The following CEMIP2 variants were observed in gnomAD, a reference collection of about 807,000 sequenced individuals.
The protein encoded by CEMIP2 is cell surface hyaluronidase CEMIP2.
Under a neutral mutation model 146.9 loss-of-function variants are expected in CEMIP2, and 79 were observed. That is an observed-to-expected ratio of 0.54 (90% CI 0.45 to 0.65). The LOEUF (loss-of-function observed/expected upper bound fraction) is 0.65, where lower values mean the gene tolerates loss of function less well. CEMIP2 is among the 30% of genes least tolerant of loss of function. CEMIP2 has a pLI of 0.00. For missense variants in CEMIP2, 1,596 were observed against 1,696.2 expected (o/e 0.94, Z 1.04); for synonymous variants, 601 against 606.3 (o/e 0.99, Z 0.13).
At position 71,717,944 on chromosome 9, in the gene CEMIP2, C is replaced by G. The variant is rs1192511897; in HGVS notation, c.2399+4G>C. 1 of 1,601,096 alleles carries G rather than the reference C, an allele frequency of 6.2e-7. No individual in the cohort carries two copies. The highest frequency in any genetic ancestry group is 2.2e-5 in the East Asian group (1 of 44,570). ...CATATAATAACTTGGTAGAGAATAC[C>G]CACGCTGAATTTTGAACGATAATAT... On this transcript the variant is annotated splice_donor_region_variant and intron_variant, in intron 13 of 23. Coordinates refer to ENST00000377044, the MANE Select transcript of CEMIP2 (RefSeq NM_013390.3).
chr9:71,748,932 C>A (rs1424160494), intron 2 of CEMIP2, among the ~76,000 whole-genome samples: 2 of 152,128 alleles, frequency 1.3e-5, no homozygotes, highest in African/African-American at 4.8e-5. Context: ...CTTAAGGAAG[C>A]ATTTAACTTG....
chr9:71,758,037 G>C (rs952928471), intron 1 of CEMIP2, among the ~76,000 whole-genome samples: 8 of 152,076 alleles, frequency 5.3e-5, no homozygotes, highest in Non-Finnish European at 8.8e-5. Flanking sequence ...TCTATACGTA[G>C]TTTAGCAGAA....
At chr9:71,728,283 A>ATATACACGTATATATATATATATATGTG (rs1554684733) in intron 10 of CEMIP2, among the ~76,000 whole-genome samples, 4 of 25,604 alleles carry the variant, frequency 1.6e-4, no homozygotes, top group African/African-American at 4.5e-4. Context: ...ATATATATGT[A>ATATACACGTATATATATATATATATGTG]TATATATATA....
chr9:71,728,219 C>A (rs1394257964), intron 10 of CEMIP2, among the ~76,000 whole-genome samples: 20 of 32,860 alleles, frequency 6.1e-4, no homozygotes, highest in South Asian at 2.3e-3. Context: ...CTCTCTCTCT[C>A]TCTCTCTCTC....
At position 71,740,054 on chromosome 9, in the gene CEMIP2, C is replaced by G; in HGVS notation, c.1204+9G>C. The G allele has an allele frequency of 6.2e-7, 1 of 1,612,208 alleles. No homozygotes were observed. Among genetic ancestry groups the G allele is most frequent in the Non-Finnish European group, 8.5e-7 (1 of 1,179,178 alleles). On this transcript the variant is annotated intron_variant, in intron 5 of 23. Coordinates refer to ENST00000377044, the MANE Select transcript of CEMIP2 (RefSeq NM_013390.3). Reference sequence around the variant, plus strand: ...GTGTCTTACAAGAGTATAAACTCTACTTGCCTACCTTCAATCCATTCACTA... The same window carrying G: ...GTGTCTTACAAGAGTATAAACTCTAGTTGCCTACCTTCAATCCATTCACTA...
rs1822181549 is a variant in CEMIP2 at position 71,690,116 on chromosome 9, T to C, written c.3827A>G (p.Tyr1276Cys). 6.2e-7 allele frequency: 1 copy of C among 1,614,026 alleles called. No homozygotes were observed. Among genetic ancestry groups the C allele is most frequent in the South Asian group, 1.1e-5 (1 of 91,086 alleles). The change falls in exon 22 of 24, where the codon TAT becomes TGT. Residue 1276 changes from tyrosine (Y) to cysteine (C), a missense_variant. Transcript: ENST00000377044. ...CCTTGGAGGGATGCCTGTTTTTAAA[T>C]ACTCTTCAATGCGACTGACATCAGC... ...PLADVSRIEE[Y>C]LKTGIPPRSI...
Position 71,684,611 on chromosome 9 carries a change from G to C in CEMIP2, c.*586C>G, listed in dbSNP as rs116942325. 7.6e-3 allele frequency: 1,167 copies of C among 152,672 alleles called. 12 individuals carry two copies. Among genetic ancestry groups the C allele is most frequent in the Non-Finnish European group, 0.01 (701 of 68,018 alleles). The allele number at this position is 152,672 out of a possible 1,614,324, so 9.5% of individuals were successfully genotyped here. ...CTGTTTGAAAGTTTAACCCTTACAA[G>C]TAATTGATATATAAGTGAATAAAAA... On this transcript the variant is annotated 3_prime_UTR_variant, in exon 24 of 24. Transcript: ENST00000377044.
intron 1 of CEMIP2, among the ~76,000 whole-genome samples, chr9:71,750,608 A>ATTT (rs560628836): frequency 2.8e-5 from 4 of 141,134 alleles, no homozygotes; most frequent in African/African-American, 1.0e-4. Flanking sequence ...CGCCCAGCTA[A>ATTT]TTTTTTTTTT....
chr9:71,740,302 T>C (rs1823878109), intron 4 of CEMIP2, 70 bp from the exon 5 acceptor site: 1 of 1,546,622 alleles, frequency 6.5e-7, no homozygotes, highest in Non-Finnish European at 8.8e-7. Flanking sequence ...ACAAAGATGT[T>C]ATTACAGAGT....
intron 21 of CEMIP2, among the ~76,000 whole-genome samples, 158 bp downstream of exon 21, chr9:71,694,351 C>T (rs190793793): frequency 2.4e-3 from 360 of 152,240 alleles, no homozygotes; most frequent in African/African-American, 8.3e-3. Context: ...TGGTCTCGAT[C>T]TAACCTTATG....
intron 18 of CEMIP2, among the ~76,000 whole-genome samples, chr9:71,703,246 G>A (rs1345577558): frequency 6.6e-6 from 1 of 152,196 alleles, no homozygotes; most frequent in Non-Finnish European, 1.5e-5. Context: ...ACAGGGTGCA[G>A]TTACGGATAA....
chr9:71,728,842 T>TGTG (rs71353513), intron 10 of CEMIP2, among the ~76,000 whole-genome samples: 1 of 151,220 alleles, frequency 6.6e-6, no homozygotes. Flanking sequence ...TGTGTGTGTG[T>TGTG]TTTTATTGAC....
At chr9:71,699,314 C>T in intron 19 of CEMIP2, 1 of 342,852 alleles carries the variant, frequency 2.9e-6, no homozygotes, top group South Asian at 2.2e-5. Flanking sequence ...AAAATCAATG[C>T]TGGGTGTGGT....
chr9:71,764,163 T>A (rs958942616), intron 1 of CEMIP2, among the ~76,000 whole-genome samples: 5 of 152,180 alleles, frequency 3.3e-5, no homozygotes, highest in Non-Finnish European at 7.3e-5. Flanking sequence ...TACTTTAAAT[T>A]TCCATCCTGT....
In CEMIP2 at chr9:71,730,774, A is replaced by T; in HGVS notation, c.1704T>A (p.Phe568Leu). 1 of 1,614,260 alleles carries T rather than the reference A, an allele frequency of 6.2e-7. No homozygotes were observed. The highest frequency in any genetic ancestry group is 8.5e-7 in the Non-Finnish European group (1 of 1,180,050). The change falls in exon 8 of 24, where the codon TTT (phenylalanine) becomes TTA (leucine). Residue 568 changes from phenylalanine (F) to leucine (L), a missense_variant. Physicochemically the swap from Phe to Leu is conservative, Grantham distance 22. Transcript: ENST00000377044. The part of the protein sequence containing the change: ...DYKGGYRHAT[F>L]VDGLSIHHSF... ...TGTGATGAATAGACAGGCCGTCCACAAATGTTGCATGTCTGTATCCTCCTT... is the reference window on the plus strand; with the variant it reads ...TGTGATGAATAGACAGGCCGTCCACTAATGTTGCATGTCTGTATCCTCCTT...
At position 71,728,261 on chromosome 9, in the gene CEMIP2, G is replaced by GTATA. The variant is rs1164205843; in HGVS notation, c.2049+1580_2049+1583dup. Among the ~76,000 whole-genome samples the GTATA allele has an allele frequency of 4.8e-3, 24 of 5,026 alleles. 4 individuals are homozygous for GTATA. Among genetic ancestry groups the GTATA allele is most frequent in the African/African-American group, 0.012 (23 of 1,890 alleles). 3.3% of individuals were successfully genotyped at this position (5,026 alleles called of 152,430 possible). A position where few individuals can be genotyped will look rare whatever the true frequency, so the allele number is the denominator to read the frequency against. ...TATATATATATATATGTATATACAC[G>GTATA]TATATATATATATATATATGTATAT... On this transcript the variant is annotated intron_variant, in intron 10 of 23. Coordinates refer to ENST00000377044, the MANE Select transcript of CEMIP2 (RefSeq NM_013390.3).
In CEMIP2 at chr9:71,718,587, C is replaced by A. The variant is rs551145555; in HGVS notation, c.2268-508G>T. 2.6e-5 allele frequency among the ~76,000 whole-genome samples: 4 copies of A among 151,864 alleles called. No individual in the cohort carries two copies. The South Asian group carries it at 8.3e-4, about 32-fold the overall frequency. On this transcript the variant is annotated intron_variant, in intron 12 of 23. Coordinates refer to ENST00000377044, the MANE Select transcript of CEMIP2 (RefSeq NM_013390.3). The stretch of plus-strand genomic sequence containing the variant: ...AATAGACTGTATTTTTTAATATTTT[C>A]TTTTTTTGAGACAGAGTCTCACTCT...
At chr9:71,761,103 C>T (rs1431029551) in intron 1 of CEMIP2, among the ~76,000 whole-genome samples, 3 of 152,314 alleles carry the variant, frequency 2.0e-5, no homozygotes, top group East Asian at 1.9e-4. Flanking sequence ...CAAGTGCAGG[C>T]GCGTCACCAG....
At chr9:71,762,612 C>T (rs74952073) in intron 1 of CEMIP2, among the ~76,000 whole-genome samples, 12,057 of 150,728 alleles carry the variant, frequency 0.08, 611 homozygotes, top group Middle Eastern at 0.14. Flanking sequence ...AGAAAAAACA[C>T]TTGAAGATTA....
Sources: gnomAD v4.1 joint callset for allele counts (sites outside exome capture counted in the v4.1 genomes callset) on GRCh38, gnomAD v4.1.1 for gene constraint, MANE v1.5 for transcripts, NCBI Gene and HGNC (gene_info 2026-07-23, HGNC 2026-07-21) for gene names.